BAIAP2: variants seen among roughly 807,000 people sequenced by gnomAD.
BAIAP2 encodes BAR/IMD domain containing adaptor protein 2.
Under a neutral mutation model 63.0 loss-of-function variants are expected in BAIAP2, and 18 were observed. The observed-to-expected ratio is 0.29, with a 90% CI of 0.20 to 0.42. The LOEUF is 0.42. BAIAP2 is among the 10% of genes least tolerant of loss of function. The pLI, the probability that BAIAP2 is intolerant of heterozygous loss-of-function variation, is 1.00. For synonymous variants in BAIAP2, 386 were observed against 307.6 expected (o/e 1.25, Z -2.67); for missense variants, 610 against 734.3 (o/e 0.83, Z 1.96).
intron 1 of BAIAP2, 59 bp from the exon 2 acceptor site, chr17:81,053,609 T>A: frequency 6.3e-7 from 1 of 1,594,294 alleles, no homozygotes; most frequent in South Asian, 1.1e-5. Context: ...GTTCGGACCC[T>A]TCGGAGTCAC....
intron 3 of BAIAP2, among the ~76,000 whole-genome samples, chr17:81,067,034 G>C (rs1369997747): frequency 6.6e-6 from 1 of 152,232 alleles, no homozygotes; most frequent in African/African-American, 2.4e-5. Context: ...GGAGGTCCCT[G>C]GTTGGTCCCG....
intron 12 of BAIAP2, chr17:81,107,777 G>A (rs1201511115): frequency 6.6e-6 from 1 of 152,430 alleles, no homozygotes. Flanking sequence ...CACAAGTGAG[G>A]AGTCCCTAGA....
intron 13 of BAIAP2, chr17:81,109,431 TC>T (rs574282053): frequency 3.0e-6 from 3 of 996,570 alleles, no homozygotes; most frequent in South Asian, 9.4e-5. Context: ...ACTTTTTTTT[TC>T]CTGAAAAACA....
At chr17:81,075,544 A>T (rs1411065322) in intron 3 of BAIAP2, among the ~76,000 whole-genome samples, 1 of 152,124 alleles carries the variant, frequency 6.6e-6, no homozygotes, top group Non-Finnish European at 1.5e-5. Flanking sequence ...TGCTCACTAG[A>T]CGCGGCTGTG....
chr17:81,058,789 G>A (rs1356487086), intron 3 of BAIAP2, among the ~76,000 whole-genome samples: 1 of 152,190 alleles, frequency 6.6e-6, no homozygotes, highest in African/African-American at 2.4e-5. Flanking sequence ...GAGGTGGTCT[G>A]CAGGTCTGGA....
chr17:81,102,994 C>T (rs1346219423), intron 7 of BAIAP2, among the ~76,000 whole-genome samples: 3 of 152,234 alleles, frequency 2.0e-5, no homozygotes, highest in East Asian at 1.9e-4. Context: ...TCCAGCAGGC[C>T]GCAGAGTACG....
At chr17:81,035,331 C>T (rs11653973) in intron 1 of BAIAP2, 23 bp downstream of exon 1, 2 of 1,385,534 alleles carry the variant, frequency 1.4e-6, no homozygotes, top group South Asian at 1.5e-5. Context: ...CGGCGCCGAG[C>T]TGAGCCCGCT....
At chr17:81,066,812 C>T (rs1043067667) in intron 3 of BAIAP2, among the ~76,000 whole-genome samples, 4 of 152,176 alleles carry the variant, frequency 2.6e-5, no homozygotes, top group African/African-American at 2.4e-5. Flanking sequence ...ATGCACAGTG[C>T]ACCCAGGGGC....
intron 3 of BAIAP2, among the ~76,000 whole-genome samples, chr17:81,077,493 G>A (rs534525367): frequency 3.3e-5 from 5 of 152,100 alleles, no homozygotes; most frequent in South Asian, 2.1e-4. Context: ...ACTTGAACCC[G>A]GGAGGCGGAG....
intron 3 of BAIAP2, among the ~76,000 whole-genome samples, chr17:81,069,027 AG>A (rs1159020576): frequency 2.6e-5 from 4 of 152,080 alleles, no homozygotes; most frequent in Admixed American, 2.6e-4. Context: ...CAGCAGCCCC[AG>A]GGGTGATCCC....
At chr17:81,100,198 C>CT in intron 7 of BAIAP2, 118 bp downstream of exon 7, 1 of 1,338,882 alleles carries the variant, frequency 7.5e-7, no homozygotes, top group East Asian at 2.8e-5. Context: ...GGCTCGAACT[C>CT]TCGTTTATTT....
At chr17:81,106,018 C>A in intron 10 of BAIAP2, 60 bp from the exon 11 acceptor site, 3 of 1,452,298 alleles carry the variant, frequency 2.1e-6, no homozygotes, top group South Asian at 2.5e-5. Flanking sequence ...GGATGGTGGT[C>A]GGTGGGGGAT....
rs570048038 is a variant in BAIAP2, at chr17:81,093,911, A to G, written c.490-6017A>G. Among the ~76,000 whole-genome samples, 18 of 152,248 alleles carry G rather than the reference A, an allele frequency of 1.2e-4. No individual in the cohort carries two copies. In the East Asian group the frequency reaches 3.5e-3, roughly 29 times the overall value. On this transcript the variant is annotated intron_variant, in intron 6 of 13. Coordinates refer to ENST00000428708, the MANE Select transcript of BAIAP2 (RefSeq NM_001144888.2). Reference sequence around the variant, plus strand: ...TCGTTTTCACAAAGCTCTTCAGGCTAAGGCTGTCTGTGGACAACCCCTCCC... The same window carrying G: ...TCGTTTTCACAAAGCTCTTCAGGCTGAGGCTGTCTGTGGACAACCCCTCCC...
chr17:81,039,916 C>G (rs2046848860), intron 1 of BAIAP2, among the ~76,000 whole-genome samples: 1 of 152,224 alleles, frequency 6.6e-6, no homozygotes, highest in Admixed American at 6.5e-5. Flanking sequence ...AAGCCCGGTT[C>G]ACCCTTCTCC....
intron 1 of BAIAP2, among the ~76,000 whole-genome samples, chr17:81,049,877 G>GCTCTCCTCA (rs1423084267): frequency 1.3e-5 from 2 of 152,244 alleles, no homozygotes; most frequent in African/African-American, 4.8e-5. Context: ...CCCACAGTGG[G>GCTCTCCTCA]CTCTCCTCAG....
chr17:81,079,531 C>T (rs1337593083), intron 3 of BAIAP2, among the ~76,000 whole-genome samples: 2 of 152,004 alleles, frequency 1.3e-5, no homozygotes, highest in African/African-American at 4.8e-5. Context: ...CCTCCTCCTC[C>T]TCACTCCCCA....
At chr17:81,047,585 C>T (rs759073551) in intron 1 of BAIAP2, among the ~76,000 whole-genome samples, 11 of 151,994 alleles carry the variant, frequency 7.2e-5, no homozygotes, top group East Asian at 1.9e-4. Flanking sequence ...CTCATGCCCA[C>T]AGCACACACG....
Position 81,084,906 on chromosome 17 carries a change from C to G in BAIAP2, c.279+13C>G. The G allele has an allele frequency of 3.1e-6, 5 of 1,613,374 alleles. No homozygotes were observed. The highest frequency in any genetic ancestry group is 4.2e-6 in the Non-Finnish European group (5 of 1,179,986). On this transcript the variant is annotated intron_variant, in intron 4 of 13. Transcript: ENST00000428708. ...GCTGGAAGAAATGGTGAGTCCACCCCCAGCGTGGCCCTGCGAGGAGGGGCA... is the reference window on the plus strand; with the variant it reads ...GCTGGAAGAAATGGTGAGTCCACCCGCAGCGTGGCCCTGCGAGGAGGGGCA...
intron 1 of BAIAP2, among the ~76,000 whole-genome samples, chr17:81,049,014 CT>C (rs1275572390): frequency 2.0e-5 from 3 of 152,236 alleles, no homozygotes; most frequent in African/African-American, 7.2e-5. Flanking sequence ...AGGACCCCCC[CT>C]GGGGTGGGAA....
Sources: gnomAD v4.1 joint callset for allele counts (sites outside exome capture counted in the v4.1 genomes callset) on GRCh38, gnomAD v4.1.1 for gene constraint, MANE v1.5 for transcripts, NCBI Gene and HGNC (gene_info 2026-07-23, HGNC 2026-07-21) for gene names.